The following NFIB variants were observed in gnomAD, a reference collection of about 807,000 sequenced individuals.
NFIB encodes the protein nuclear factor I B, also known as nuclear factor 1 B-type.
A neutral mutation model predicts 61.5 loss-of-function variants in NFIB; 11 were observed. The ratio of observed to expected loss-of-function variants is 0.18; its 90% confidence interval spans 0.11 to 0.30. The LOEUF (loss-of-function observed/expected upper bound fraction) is 0.30, where lower values mean the gene tolerates loss of function less well. NFIB is among the 10% of genes least tolerant of loss of function. The pLI is 1.00. For missense variants in NFIB, 471 were observed against 608.9 expected (o/e 0.77, Z 2.38); for synonymous variants, 260 against 216.5 (o/e 1.20, Z -1.76).
At chr9:14,368,277 A>C (rs2061324367) in intron 1 of NFIB, among the ~76,000 whole-genome samples, 1 of 152,238 alleles carries the variant, frequency 6.6e-6, no homozygotes, top group South Asian at 2.1e-4. Flanking sequence ...ATGACAGCCA[A>C]GAAGCAGACA....
intron 3 of NFIB, among the ~76,000 whole-genome samples, chr9:14,172,048 G>C (rs2045621540): frequency 6.6e-6 from 1 of 152,116 alleles, no homozygotes; most frequent in South Asian, 2.1e-4. Flanking sequence ...AACAGAGCAT[G>C]GCCAACTAAA....
intron 2 of NFIB, among the ~76,000 whole-genome samples, chr9:14,221,172 C>A (rs192600921): frequency 2.1e-4 from 32 of 152,256 alleles, no homozygotes; most frequent in African/African-American, 6.0e-4. Flanking sequence ...TGGCTACTTC[C>A]CCATATCGCA....
At chr9:14,178,447 A>G (rs2046399310) in intron 3 of NFIB, among the ~76,000 whole-genome samples, 1 of 152,104 alleles carries the variant, frequency 6.6e-6, no homozygotes, top group African/African-American at 2.4e-5. Flanking sequence ...TTTGCTCTCA[A>G]TGTACAGTAA....
intron 6 of NFIB, among the ~76,000 whole-genome samples, chr9:14,141,902 C>CAAAAAAAAAAAAAAAAAAAAA (rs1207435536): frequency 1.9e-5 from 1 of 53,608 alleles, no homozygotes; most frequent in African/African-American, 7.2e-5. Flanking sequence ...CTGCTGCTCA[C>CAAAAAAAAAAAAAAAAAAAAA]AAAAAAAAAA....
At chr9:14,322,345 G>T (rs1453258436) in intron 1 of NFIB, 2 of 253,996 alleles carry the variant, frequency 7.9e-6, no homozygotes, top group African/African-American at 2.2e-5. Context: ...ATGTGTGTGT[G>T]TGGTGGGTTT....
At chr9:14,182,116 A>T (rs1258242615) in intron 2 of NFIB, among the ~76,000 whole-genome samples, 1 of 152,162 alleles carries the variant, frequency 6.6e-6, no homozygotes, top group African/African-American at 2.4e-5. Context: ...TTCTGCTATA[A>T]ATTACTTTTT....
the NFIB span, among the ~76,000 whole-genome samples, chr9:14,481,585 C>A: frequency 2.6e-5 from 4 of 152,006 alleles, no homozygotes; most frequent in South Asian, 8.3e-4. Context: ...TCTCTCATCC[C>A]TTTAGAACTT....
intron 2 of NFIB, among the ~76,000 whole-genome samples, chr9:14,251,542 T>C (rs559020439): frequency 1.0e-3 from 158 of 152,342 alleles, no homozygotes; most frequent in African/African-American, 3.6e-3. Flanking sequence ...ATGTCAGTGC[T>C]ATTTTCTCCT....
At chr9:14,162,235 G>A (rs1386079944) in intron 3 of NFIB, among the ~76,000 whole-genome samples, 1 of 149,592 alleles carries the variant, frequency 6.7e-6, no homozygotes, top group East Asian at 2.0e-4. Flanking sequence ...TGTTGGCTAT[G>A]AATTTATCAC....
chr9:14,259,495 G>A, intron 2 of NFIB, among the ~76,000 whole-genome samples: 1 of 152,242 alleles, frequency 6.6e-6, no homozygotes, highest in East Asian at 1.9e-4. Context: ...TGAGTCTTGG[G>A]TATGAAGAGG....
intron 2 of NFIB, among the ~76,000 whole-genome samples, chr9:14,188,297 C>G (rs566078220): frequency 6.6e-6 from 1 of 151,618 alleles, no homozygotes; most frequent in South Asian, 2.1e-4. Context: ...GAAAGAGTCC[C>G]TGGGAGCAAA....
At chr9:14,381,869 A>G (rs1178801384) in intron 1 of NFIB, among the ~76,000 whole-genome samples, 1 of 152,262 alleles carries the variant, frequency 6.6e-6, no homozygotes, top group African/African-American at 2.4e-5. Flanking sequence ...GAATGAATGA[A>G]TAAGGGTGAA....
intron 2 of NFIB, among the ~76,000 whole-genome samples, chr9:14,295,003 C>A (rs1200399235): frequency 6.6e-6 from 1 of 152,172 alleles, no homozygotes; most frequent in East Asian, 1.9e-4. Flanking sequence ...ACACGGTGAT[C>A]CCAAATCACA....
At chr9:14,475,789 T>C in the NFIB span, among the ~76,000 whole-genome samples, 1 of 152,174 alleles carries the variant, frequency 6.6e-6, no homozygotes, top group Non-Finnish European at 1.5e-5. Flanking sequence ...AATGATACAA[T>C]TTCTCACAAA....
chr9:14,493,317 G>A, the NFIB span, among the ~76,000 whole-genome samples: 3 of 152,088 alleles, frequency 2.0e-5, no homozygotes, highest in Non-Finnish European at 4.4e-5. Flanking sequence ...TATAAATTCT[G>A]AGTTTTTGAA....
chr9:14,417,906 G>A, the NFIB span, among the ~76,000 whole-genome samples: 3 of 148,652 alleles, frequency 2.0e-5, no homozygotes, highest in African/African-American at 4.9e-5. Context: ...TCAGCCTCCC[G>A]GGTAGCTGGG....
intron 2 of NFIB, among the ~76,000 whole-genome samples, chr9:14,282,888 G>A (rs1346540431): frequency 1.3e-5 from 2 of 152,122 alleles, no homozygotes; most frequent in Non-Finnish European, 2.9e-5. Context: ...CTCTCTCTTT[G>A]TCTGAGAACT....
rs569209807 is a variant in NFIB, at chr9:14,379,370, T to C, written c.108+19154A>G. 1.5e-4 allele frequency among the ~76,000 whole-genome samples: 23 copies of C among 152,354 alleles called. No homozygotes were observed. In the South Asian group the frequency reaches 2.1e-3, roughly 14 times the overall value. Reference sequence around the variant, plus strand: ...TATTCATTTTCTTAAAATTGAATTATGTTTCTGTGAAAAGCTGCTGTGTAA... The same window carrying C: ...TATTCATTTTCTTAAAATTGAATTACGTTTCTGTGAAAAGCTGCTGTGTAA... On this transcript the variant is annotated intron_variant, in intron 1 of 8. Coordinates refer to the NFIB transcript ENST00000380934.
intron 1 of NFIB, among the ~76,000 whole-genome samples, chr9:14,377,482 G>A (rs1357264714): frequency 6.6e-6 from 1 of 152,002 alleles, no homozygotes; most frequent in Admixed American, 6.5e-5. Context: ...CTCCCAAAGT[G>A]CTAGGATTAC....
Sources: allele counts gnomAD v4.1 joint callset (sites outside exome capture counted in the v4.1 genomes callset), GRCh38; gene constraint gnomAD v4.1.1; transcripts MANE v1.5; gene names NCBI Gene and HGNC (gene_info 2026-07-23, HGNC 2026-07-21).